IL1RAPL2: variants seen among roughly 807,000 people sequenced by gnomAD.
The protein encoded by IL1RAPL2 is X-linked interleukin-1 receptor accessory protein-like 2.
A neutral mutation model predicts 44.1 loss-of-function variants in IL1RAPL2; 3 were observed. That is an observed-to-expected ratio of 0.07 (90% CI 0.03 to 0.18). IL1RAPL2 has a LOEUF of 0.18. Among genes scored for constraint, IL1RAPL2 ranks in the 10% least tolerant of loss-of-function variants. IL1RAPL2 has a pLI of 1.00. For missense variants in IL1RAPL2, 391 were observed against 496.4 expected, an observed-to-expected ratio of 0.79 and a Z score of 2.02; for synonymous variants, 181 against 178.8, an observed-to-expected ratio of 1.01 and a Z score of -0.10.
intron 6 of IL1RAPL2, among the ~76,000 whole-genome samples, chrX:105,628,466 CATACAG>C (rs1277157497): frequency 8.9e-6 from 1 of 111,750 alleles, no homozygotes; most frequent in African/African-American, 3.3e-5. Flanking sequence ...TTAAGACTGT[CATACAG>C]ATATAAAAAT....
At chrX:104,697,647 T>C (rs1015198499) in intron 2 of IL1RAPL2, among the ~76,000 whole-genome samples, 3 of 111,410 alleles carry the variant, frequency 2.7e-5, no homozygotes, top group African/African-American at 9.8e-5. Context: ...TTTCTGCTCT[T>C]TGGAGCTTAT....
At chrX:104,760,761 T>A (rs1569309518) in intron 2 of IL1RAPL2, among the ~76,000 whole-genome samples, 1 of 111,717 alleles carries the variant, frequency 9.0e-6, no homozygotes, top group East Asian at 2.8e-4. Context: ...TATCCTTTGT[T>A]GTGCTGAAGC....
intron 4 of IL1RAPL2, among the ~76,000 whole-genome samples, chrX:105,256,769 A>G (rs931972355): frequency 3.0e-4 from 34 of 111,651 alleles, no homozygotes; most frequent in Middle Eastern, 4.7e-3. Flanking sequence ...AGGTGTTTCT[A>G]GTAGTTTCTG....
At chrX:104,968,205 C>G (rs939765625) in intron 2 of IL1RAPL2, among the ~76,000 whole-genome samples, 1 of 111,667 alleles carries the variant, frequency 9.0e-6, no homozygotes, top group Non-Finnish European at 1.9e-5. Context: ...AGTTCAGTTT[C>G]ACTGGAGTCT....
At chrX:105,089,075 T>G (rs1454690787) in intron 2 of IL1RAPL2, among the ~76,000 whole-genome samples, 1 of 111,519 alleles carries the variant, frequency 9.0e-6, no homozygotes, top group Admixed American at 9.6e-5. Flanking sequence ...CTCTACAGTA[T>G]GAAAAGGATG....
chrX:104,723,398 C>G (rs1569303233), intron 2 of IL1RAPL2, among the ~76,000 whole-genome samples: 1 of 110,644 alleles, frequency 9.0e-6, no homozygotes, highest in Admixed American at 9.7e-5. Flanking sequence ...AAATGTAACA[C>G]CTCAGGATGA....
chrX:104,672,745 C>T (rs1930639173), intron 2 of IL1RAPL2, among the ~76,000 whole-genome samples: 1 of 105,454 alleles, frequency 9.5e-6, no homozygotes, highest in Non-Finnish European at 2.0e-5. Context: ...TCTCCACATC[C>T]TCTCCAGCAC....
At chrX:105,643,129 C>CA (rs763055423) in intron 6 of IL1RAPL2, among the ~76,000 whole-genome samples, 1 of 111,932 alleles carries the variant, frequency 8.9e-6, no homozygotes, top group Non-Finnish European at 1.9e-5. Flanking sequence ...TGTAAGCTGG[C>CA]ATAACTGGTG....
intron 6 of IL1RAPL2, among the ~76,000 whole-genome samples, chrX:105,678,323 C>T (rs2037891518): frequency 8.9e-6 from 1 of 111,989 alleles, no homozygotes; most frequent in African/African-American, 3.2e-5. Flanking sequence ...TTCATCCCCT[C>T]GAGCATATTT....
At chrX:104,966,740 A>T (rs1188133084) in intron 2 of IL1RAPL2, among the ~76,000 whole-genome samples, 1 of 112,475 alleles carries the variant, frequency 8.9e-6, no homozygotes, top group Non-Finnish European at 1.9e-5. Context: ...CACATTTACA[A>T]ATTTTAGACA....
At chrX:104,999,391 G>A (rs756354520) in intron 2 of IL1RAPL2, among the ~76,000 whole-genome samples, 2 of 111,208 alleles carry the variant, frequency 1.8e-5, no homozygotes, top group Non-Finnish European at 3.8e-5. Flanking sequence ...TAAAAGTGCA[G>A]AAGTAAACAT....
chrX:105,210,122 C>G (rs1440854839), intron 3 of IL1RAPL2, among the ~76,000 whole-genome samples: 1 of 111,389 alleles, frequency 9.0e-6, no homozygotes, highest in Non-Finnish European at 1.9e-5. Flanking sequence ...GGTGCCTTGT[C>G]TAACAGACAC....
chrX:105,534,177 C>G (rs1048975505), intron 6 of IL1RAPL2, among the ~76,000 whole-genome samples: 3 of 111,685 alleles, frequency 2.7e-5, no homozygotes, highest in Non-Finnish European at 5.6e-5. Context: ...TTTCAAAATT[C>G]AATTGTTACA....
chrX:105,679,581 A>AATT (rs1569464873), intron 6 of IL1RAPL2, among the ~76,000 whole-genome samples: 1 of 112,104 alleles, frequency 8.9e-6, no homozygotes, highest in African/African-American at 3.2e-5. Flanking sequence ...GACAGAGTAG[A>AATT]ATTTATATAT....
At chrX:105,580,017 TAGCACAA>T (rs2037077597) in intron 6 of IL1RAPL2, among the ~76,000 whole-genome samples, 1 of 111,942 alleles carries the variant, frequency 8.9e-6, no homozygotes, top group Non-Finnish European at 1.9e-5. Flanking sequence ...TGAAACACTG[TAGCACAA>T]ATTGCTTTCA....
At chrX:104,767,413 G>A (rs1932576085) in intron 2 of IL1RAPL2, among the ~76,000 whole-genome samples, 1 of 111,873 alleles carries the variant, frequency 8.9e-6, no homozygotes, top group Admixed American at 9.5e-5. Context: ...GAAGACACAT[G>A]TGCCTAGGAA....
intron 2 of IL1RAPL2, among the ~76,000 whole-genome samples, chrX:105,047,399 C>T (rs1227925733): frequency 1.8e-5 from 2 of 111,620 alleles, no homozygotes; most frequent in Non-Finnish European, 3.8e-5. Context: ...CCAATTAAAA[C>T]GGAAAATATT....
chrX:104,640,639 G>C (rs1483762928), intron 1 of IL1RAPL2, among the ~76,000 whole-genome samples: 1 of 111,771 alleles, frequency 8.9e-6, no homozygotes, highest in South Asian at 3.7e-4. Context: ...TTTTGAATTT[G>C]CTTTCATAGG....
At chrX:105,253,019 C>T (rs1434217759) in intron 4 of IL1RAPL2, among the ~76,000 whole-genome samples, 1 of 111,536 alleles carries the variant, frequency 9.0e-6, no homozygotes, top group Non-Finnish European at 1.9e-5. Flanking sequence ...ACCCTGCCTG[C>T]CTTTTATATG....
Sources: gnomAD v4.1 joint callset for allele counts (sites outside exome capture counted in the v4.1 genomes callset) on GRCh38, gnomAD v4.1.1 for gene constraint, MANE v1.5 for transcripts, NCBI Gene and HGNC (gene_info 2026-07-23, HGNC 2026-07-21) for gene names.